Variants in KCTD8 observed in about 807,000 individuals in gnomAD.
The protein encoded by KCTD8 is BTB/POZ domain-containing protein KCTD8.
In KCTD8, 27 loss-of-function variants were observed where a neutral mutation model predicts 31.5. The ratio of observed to expected loss-of-function variants is 0.86; its 90% CI spans 0.63 to 1.18. KCTD8 has a LOEUF of 1.18. KCTD8 is among the 50% of genes most tolerant of loss of function. KCTD8 has a pLI of 0.00. For synonymous variants in KCTD8, 290 were observed against 280.0 expected (o/e 1.04, Z -0.36); for missense variants, 658 against 647.7 (o/e 1.02, Z -0.17).
intron 1 of KCTD8, among the ~76,000 whole-genome samples, chr4:44,288,156 T>C (rs533417300): frequency 1.3e-5 from 2 of 152,262 alleles, no homozygotes; most frequent in South Asian, 4.1e-4. Context: ...AAGGTATTTC[T>C]TGTCTTTTTC....
intron 1 of KCTD8, among the ~76,000 whole-genome samples, chr4:44,181,462 G>A (rs1384349480): frequency 1.3e-5 from 2 of 152,204 alleles, no homozygotes; most frequent in African/African-American, 4.8e-5. Context: ...TGGCTGGGCT[G>A]GTCTCCAGCT....
chr4:44,442,770 G>GGTATACACAC (rs1260330784), intron 1 of KCTD8, among the ~76,000 whole-genome samples: 170 of 147,826 alleles, frequency 1.1e-3, no homozygotes, highest in African/African-American at 3.6e-3. Flanking sequence ...TCTTAACTAA[G>GGTATACACAC]GTATACACAC....
At position 44,258,104 on chromosome 4, in the gene KCTD8, A is replaced by T. The variant is rs1448110263; in HGVS notation, c.962-82854T>A. 3.3e-5 allele frequency among the ~76,000 whole-genome samples: 5 copies of T among 152,024 alleles called. 1 individual carries two copies. Among genetic ancestry groups the T allele is most frequent in the Non-Finnish European group, 5.9e-5 (4 of 67,964 alleles). On this transcript the variant is annotated intron_variant, in intron 1 of 1. Coordinates refer to ENST00000360029, the MANE Select transcript of KCTD8 (RefSeq NM_198353.3). Reference sequence around the variant, plus strand: ...AAGGTAACACAGAATGAAATAAGATACTATTAGGAAATCAGATGCTAATAG... The same window carrying T: ...AAGGTAACACAGAATGAAATAAGATTCTATTAGGAAATCAGATGCTAATAG...
intron 1 of KCTD8, among the ~76,000 whole-genome samples, chr4:44,186,722 G>T (rs770677341): frequency 3.3e-5 from 5 of 152,168 alleles, no homozygotes; most frequent in Non-Finnish European, 7.3e-5. Context: ...CCTGCCAGGG[G>T]GACAAGGGAA....
chr4:44,363,028 T>C (rs1719540629), intron 1 of KCTD8, among the ~76,000 whole-genome samples: 1 of 152,140 alleles, frequency 6.6e-6, no homozygotes, highest in Non-Finnish European at 1.5e-5. Context: ...AATTATTTTT[T>C]AGATTGATAT....
At chr4:44,298,505 T>G (rs865940142) in intron 1 of KCTD8, among the ~76,000 whole-genome samples, 5 of 151,944 alleles carry the variant, frequency 3.3e-5, no homozygotes, top group Non-Finnish European at 5.9e-5. Flanking sequence ...TTTCCTACAT[T>G]TTTAGTTGTA....
intron 1 of KCTD8, among the ~76,000 whole-genome samples, chr4:44,310,528 G>A (rs1046857388): frequency 5.3e-5 from 8 of 151,958 alleles, no homozygotes; most frequent in African/African-American, 1.9e-4. Context: ...TCACTTTCAG[G>A]GGGAAAACAA....
At chr4:44,223,146 G>T (rs775612221) in intron 1 of KCTD8, among the ~76,000 whole-genome samples, 4 of 152,106 alleles carry the variant, frequency 2.6e-5, no homozygotes, top group Non-Finnish European at 4.4e-5. Context: ...TTTGAAGGTA[G>T]GCCCCAGAAA....
At chr4:44,341,955 G>A (rs1259080630) in intron 1 of KCTD8, among the ~76,000 whole-genome samples, 3 of 152,174 alleles carry the variant, frequency 2.0e-5, no homozygotes, top group African/African-American at 7.2e-5. Flanking sequence ...TAAATAGTAA[G>A]GCTTAAAGGT....
At chr4:44,241,832 T>C (rs1025284578) in intron 1 of KCTD8, among the ~76,000 whole-genome samples, 23 of 152,276 alleles carry the variant, frequency 1.5e-4, no homozygotes, top group African/African-American at 5.5e-4. Context: ...TAAAGTAACC[T>C]GGTAATGAAG....
At chr4:44,225,902 G>T (rs1170418332) in intron 1 of KCTD8, among the ~76,000 whole-genome samples, 2 of 140,866 alleles carry the variant, frequency 1.4e-5, no homozygotes, top group African/African-American at 5.3e-5. Flanking sequence ...CTCACTGCAA[G>T]CTCCACCTCC....
At chr4:44,216,895 T>G (rs1426924499) in intron 1 of KCTD8, among the ~76,000 whole-genome samples, 1 of 151,548 alleles carries the variant, frequency 6.6e-6, no homozygotes. Context: ...AAAAGTTAAT[T>G]TTTTTTTTGT....
At chr4:44,191,820 T>C (rs561077399) in intron 1 of KCTD8, among the ~76,000 whole-genome samples, 17 of 152,322 alleles carry the variant, frequency 1.1e-4, no homozygotes, top group East Asian at 9.6e-4. Context: ...ATTTTGCCCT[T>C]TGCCTTGTGA....
intron 1 of KCTD8, among the ~76,000 whole-genome samples, chr4:44,399,403 T>A (rs1283267688): frequency 6.6e-6 from 1 of 152,084 alleles, no homozygotes; most frequent in East Asian, 1.9e-4. Flanking sequence ...GAAATTTTAG[T>A]TTAAATGTAG....
At chr4:44,402,721 C>T (rs1720695598) in intron 1 of KCTD8, among the ~76,000 whole-genome samples, 1 of 152,166 alleles carries the variant, frequency 6.6e-6, no homozygotes, top group Non-Finnish European at 1.5e-5. Flanking sequence ...GACTCTGTCC[C>T]ACCTCCCCTC....
intron 1 of KCTD8, among the ~76,000 whole-genome samples, chr4:44,206,868 G>T (rs1194485896): frequency 6.6e-6 from 1 of 152,208 alleles, no homozygotes; most frequent in Non-Finnish European, 1.5e-5. Context: ...CATAAGGTAT[G>T]CTATGCAGGT....
At chr4:44,278,475 T>C (rs1359344668) in intron 1 of KCTD8, among the ~76,000 whole-genome samples, 1 of 152,022 alleles carries the variant, frequency 6.6e-6, no homozygotes, top group African/African-American at 2.4e-5. Flanking sequence ...ATTACTTTCA[T>C]ATTGCTTAAA....
At chr4:44,425,378 A>G (rs955004873) in intron 1 of KCTD8, among the ~76,000 whole-genome samples, 2 of 152,096 alleles carry the variant, frequency 1.3e-5, no homozygotes, top group African/African-American at 4.8e-5. Context: ...TTGAAACTAA[A>G]TATCATATAA....
chr4:44,297,852 T>C (rs1487786035), intron 1 of KCTD8, among the ~76,000 whole-genome samples: 2 of 152,234 alleles, frequency 1.3e-5, no homozygotes, highest in Admixed American at 6.5e-5. Context: ...AGTAATTCCA[T>C]GTGGCCAAAA....
Sources: allele counts gnomAD v4.1 joint callset (sites outside exome capture counted in the v4.1 genomes callset), GRCh38; gene constraint gnomAD v4.1.1; transcripts MANE v1.5; gene names NCBI Gene and HGNC (gene_info 2026-07-23, HGNC 2026-07-21).